The following STXBP4 variants were observed in gnomAD, a reference collection of about 807,000 sequenced individuals.
The protein encoded by STXBP4 is syntaxin-binding protein 4.
In STXBP4, 55 loss-of-function variants were observed where a neutral mutation model predicts 76.1. The ratio of observed to expected loss-of-function variants is 0.72; its 90% CI spans 0.58 to 0.91. The LOEUF (loss-of-function observed/expected upper bound fraction) is 0.91. Ranked by LOEUF, STXBP4 falls within the 40% of genes least tolerant of loss-of-function variation. STXBP4 has a pLI of 0.00. For synonymous variants in STXBP4, 201 were observed against 220.2 expected, an observed-to-expected ratio of 0.91 and a Z score of 0.77; for missense variants, 618 against 636.9, an observed-to-expected ratio of 0.97 and a Z score of 0.32.
At chr17:55,072,850 G>T in intron 12 of STXBP4, 50 bp from the exon 13 acceptor site, 1 of 1,499,676 alleles carries the variant, frequency 6.7e-7, no homozygotes, top group South Asian at 1.3e-5. Flanking sequence ...ATAAACCTCG[G>T]AACTATTTCT....
intron 4 of STXBP4, among the ~76,000 whole-genome samples, chr17:54,992,960 G>A (rs1000080205): frequency 2.5e-4 from 38 of 151,974 alleles, no homozygotes; most frequent in African/African-American, 8.2e-4. Flanking sequence ...CGATCCATCC[G>A]CCTCAGCCTC....
intron 17 of STXBP4, among the ~76,000 whole-genome samples, chr17:55,148,125 C>T (rs2080177062): frequency 6.6e-6 from 1 of 152,194 alleles, no homozygotes; most frequent in Non-Finnish European, 1.5e-5. Flanking sequence ...AGTTCTAATA[C>T]GCATGGTTTC....
intron 10 of STXBP4, among the ~76,000 whole-genome samples, chr17:55,042,642 A>T (rs1048007432): frequency 6.6e-6 from 1 of 152,002 alleles, no homozygotes; most frequent in African/African-American, 2.4e-5. Flanking sequence ...ATCATGCTAG[A>T]TGTACGAGAT....
At position 55,171,306 on chromosome 17, in the gene STXBP4, C is replaced by A. The variant is rs992053621; in HGVS notation, c.*11395C>A. 3.9e-5 allele frequency: 6 copies of A among 152,150 alleles called. No individual in the cohort carries two copies. Among genetic ancestry groups the A allele is most frequent in the African/African-American group, 1.4e-4 (6 of 41,430 alleles). The allele number at this position is 152,150 out of a possible 1,614,324, so 9.4% of individuals were successfully genotyped here. A position where few individuals can be genotyped will look rare whatever the true frequency, so the allele number is the denominator to read the frequency against. ...GAATTTGTAAGTTCCTCTAGTCCAA[C>A]CACCTTTCAAATGAAAGAATCCTTC... On this transcript the variant is annotated 3_prime_UTR_variant, in exon 18 of 18. Coordinates refer to ENST00000376352, the MANE Select transcript of STXBP4 (RefSeq NM_178509.6).
chr17:54,974,971 T>C (rs1457851191), intron 1 of STXBP4, among the ~76,000 whole-genome samples: 1 of 152,222 alleles, frequency 6.6e-6, no homozygotes, highest in Non-Finnish European at 1.5e-5. Context: ...AAGATCTGTA[T>C]GTTGCCATGG....
chr17:55,046,565 T>G (rs543701696), intron 11 of STXBP4, among the ~76,000 whole-genome samples: 19 of 152,014 alleles, frequency 1.2e-4, no homozygotes, highest in African/African-American at 4.1e-4. Context: ...CAAAGATATT[T>G]TATGTGTATG....
At position 55,159,824 on chromosome 17, in the gene STXBP4, C is replaced by T. The variant is rs115962086; in HGVS notation, c.1575C>T (p.Ile525=). ...INHVTQTTSW[I]HPVMSVLNLS... ...ATGTAACACAGACTACATCCTGGAT[C>T]CATCCCGTGATGAGTGTCCTGAATC... Residue 525 remains isoleucine (I), a synonymous_variant, in exon 18 of 18, where the codon ATC becomes ATT. Transcript: ENST00000376352. 219 of 1,613,158 alleles carry T rather than the reference C, an allele frequency of 1.4e-4. No homozygotes were observed. The African/African-American group carries it at 2.2e-3, about 16-fold the overall frequency.
intron 12 of STXBP4, among the ~76,000 whole-genome samples, chr17:55,064,863 C>G (rs955165172): frequency 3.9e-4 from 60 of 152,108 alleles, no homozygotes; most frequent in Middle Eastern, 3.4e-3. Context: ...TTTTTTATAA[C>G]TTTATTTAAG....
Position 54,968,777 on chromosome 17 carries a change from T to C in STXBP4, c.-195T>C. On this transcript the variant is annotated 5_prime_UTR_variant, in exon 1 of 18. Transcript: ENST00000376352. ...TACCAGGCTCCTCAGGTGGCAGCGC[T>C]TGCAGTCGGGCTACGGAGGCCGGGT... 9.0e-7 allele frequency: 1 copy of C among 1,105,508 alleles called. No homozygotes were observed. Among genetic ancestry groups the C allele is most frequent in the Non-Finnish European group, 1.3e-6 (1 of 777,152 alleles). 68.5% of individuals were successfully genotyped at this position (1,105,508 alleles called of 1,614,324 possible).
At chr17:55,081,207 T>G (rs894593426) in intron 16 of STXBP4, 24 bp downstream of exon 16, 26 of 1,394,776 alleles carry the variant, frequency 1.9e-5, no homozygotes, top group Admixed American at 1.7e-4. Flanking sequence ...ATTTTTTCAC[T>G]TTTTAAAAGT....
chr17:55,180,077 C>G, the STXBP4 span, among the ~76,000 whole-genome samples: 9 of 152,156 alleles, frequency 5.9e-5, no homozygotes, highest in Non-Finnish European at 1.3e-4. Context: ...GAAGCCCTGC[C>G]ACATACTAGC....
chr17:55,181,456 A>T, the STXBP4 span, among the ~76,000 whole-genome samples: 1 of 152,210 alleles, frequency 6.6e-6, no homozygotes, highest in Non-Finnish European at 1.5e-5. Flanking sequence ...TCTTTTGCTG[A>T]TATCTCATTC....
At position 55,162,860 on chromosome 17, in the gene STXBP4, A is replaced by G. The variant is rs1598360305; in HGVS notation, c.*2949A>G. ...GATTAATCTTTTATTTCAAATGTCTACATAAAATATCACTACCCACATAAC... is the reference window on the plus strand; with the variant it reads ...GATTAATCTTTTATTTCAAATGTCTGCATAAAATATCACTACCCACATAAC... On this transcript the variant is annotated 3_prime_UTR_variant, in exon 18 of 18. Coordinates refer to ENST00000376352, the MANE Select transcript of STXBP4 (RefSeq NM_178509.6). 6.6e-6 allele frequency: 1 copy of G among 152,320 alleles called. No individual in the cohort carries two copies. The highest frequency in any genetic ancestry group is 3.4e-3 in the Middle Eastern group (1 of 294). The allele number at this position is 152,320 out of a possible 1,614,324, so 9.4% of individuals were successfully genotyped here. A position where few individuals can be genotyped will look rare whatever the true frequency, so the allele number is the denominator to read the frequency against.
chr17:54,999,602 A>G, intron 5 of STXBP4, 30 bp from the exon 6 acceptor site: 1 of 1,581,302 alleles, frequency 6.3e-7, no homozygotes, highest in Non-Finnish European at 8.7e-7. Context: ...TTCATAGCAT[A>G]TCCATAAAGT....
the STXBP4 span, among the ~76,000 whole-genome samples, chr17:55,187,939 A>T: frequency 6.6e-6 from 1 of 152,228 alleles, no homozygotes. Context: ...AGTGTACCAG[A>T]TGCTATGCCG....
intron 10 of STXBP4, among the ~76,000 whole-genome samples, chr17:55,035,203 A>G (rs2144700031): frequency 6.6e-6 from 1 of 152,052 alleles, no homozygotes; most frequent in East Asian, 1.9e-4. Context: ...GTCTCATGAT[A>G]TAGTTATAAC....
chr17:55,125,149 ATG>A (rs909583614), intron 16 of STXBP4, among the ~76,000 whole-genome samples: 3 of 152,202 alleles, frequency 2.0e-5, no homozygotes, highest in South Asian at 2.1e-4. Context: ...CAATTTATTC[ATG>A]TGTGAAAGAA....
intron 16 of STXBP4, among the ~76,000 whole-genome samples, chr17:55,099,789 T>C (rs1435347915): frequency 6.6e-6 from 1 of 152,220 alleles, no homozygotes; most frequent in Non-Finnish European, 1.5e-5. Flanking sequence ...GGTATTGAAG[T>C]AGGTAAAACT....
In STXBP4 at chr17:54,988,396, A is replaced by G. The variant is rs1598161331; in HGVS notation, c.47+2130A>G. ...TAAGAGTTAGTGGAGAGATCTAATA[A>G]GGTAGCTTACTTCCCTTTCTTACCT... On this transcript the variant is annotated intron_variant, in intron 3 of 17. Transcript: ENST00000376352. Among the ~76,000 whole-genome samples the G allele has an allele frequency of 2.0e-5, 3 of 152,286 alleles. No homozygotes were observed. The East Asian group carries it at 5.8e-4, about 29-fold the overall frequency.
Sources: gnomAD v4.1 joint callset for allele counts (sites outside exome capture counted in the v4.1 genomes callset) on GRCh38, gnomAD v4.1.1 for gene constraint, MANE v1.5 for transcripts, NCBI Gene and HGNC (gene_info 2026-07-23, HGNC 2026-07-21) for gene names.